The following PCDHGA8 variants were observed in gnomAD, a reference collection of about 807,000 sequenced individuals.
PCDHGA8 encodes the protein protocadherin gamma subfamily A, 8.
Under a neutral mutation model 59.2 loss-of-function variants are expected in PCDHGA8, and 45 were observed. The ratio of observed to expected loss-of-function variants is 0.76; its 90% CI spans 0.60 to 0.98. The LOEUF (loss-of-function observed/expected upper bound fraction) is 0.98. Ranked by LOEUF, PCDHGA8 falls within the 50% of genes least tolerant of loss-of-function variation. The pLI is 0.00. For missense variants in PCDHGA8, 1,257 were observed against 1,196.2 expected (o/e 1.05, Z -0.75); for synonymous variants, 531 against 519.0 (o/e 1.02, Z -0.32).
In PCDHGA8 at chr5:141,485,985, T is replaced by C. The variant is rs748867624; in HGVS notation, c.2425-8822T>C. 5.6e-6 allele frequency: 9 copies of C among 1,614,086 alleles called. No homozygotes were observed. Among genetic ancestry groups the C allele is most frequent in the South Asian group, 5.5e-5 (5 of 91,094 alleles). On this transcript the variant is annotated intron_variant, in intron 1 of 3. Coordinates refer to ENST00000398604, the MANE Select transcript of PCDHGA8 (RefSeq NM_032088.2). The surrounding 1 kb of genome is among the most constrained non-coding windows in gnomAD (Gnocchi z 5.7). ...CAGCTCAATGCCTCAGACCCGGACC[T>C]GGGTCCCAGTGGTAACGTCACCTTT...
At chr5:141,497,553 T>C (rs2099777684) in intron 2 of PCDHGA8, among the ~76,000 whole-genome samples, 1 of 151,326 alleles carries the variant, frequency 6.6e-6, no homozygotes, top group South Asian at 2.1e-4. Context: ...TTTTTTTTTT[T>C]TTTTTAGACA....
intron 2 of PCDHGA8, among the ~76,000 whole-genome samples, chr5:141,499,780 G>A (rs776654854): frequency 1.4e-5 from 2 of 145,766 alleles, no homozygotes; most frequent in Non-Finnish European, 3.0e-5. Flanking sequence ...TTCGCCTCCC[G>A]GGTTCAAGCA....
chr5:141,452,951 G>T (rs1397204185), intron 1 of PCDHGA8, among the ~76,000 whole-genome samples: 13 of 152,154 alleles, frequency 8.5e-5, no homozygotes, highest in Admixed American at 8.5e-4. Context: ...GCAATTGGTT[G>T]TCTTTAAACT....
chr5:141,404,513 G>C, intron 1 of PCDHGA8: 2 of 1,613,786 alleles, frequency 1.2e-6, no homozygotes, highest in Non-Finnish European at 8.5e-7. Context: ...GTGCTCCTTT[G>C]ACTATGAGCA....
intron 1 of PCDHGA8, chr5:141,408,522 A>C: frequency 1.2e-6 from 2 of 1,614,026 alleles, no homozygotes; most frequent in Non-Finnish European, 1.7e-6. Flanking sequence ...TTGCAATTGG[A>C]AGCTGTGGTG....
chr5:141,398,692 AG>A, intron 1 of PCDHGA8: 1 of 1,613,942 alleles, frequency 6.2e-7, no homozygotes, highest in Non-Finnish European at 8.5e-7. Context: ...ACAGGATGGT[AG>A]TAAATACCCG....
chr5:141,398,171 C>T (rs773536231), intron 1 of PCDHGA8: 3 of 1,476,352 alleles, frequency 2.0e-6, no homozygotes, highest in Non-Finnish European at 2.7e-6. Flanking sequence ...GAGAGGCTGC[C>T]AGTGCTCTTT....
chr5:141,392,852 G>A lies in PCDHGA8; in HGVS notation c.39G>A (p.Leu13=). ...AGAGTCGCCCCAGACGCGGCGAGCT[G>A]ATCCTGCTGTGCGCGCTGCTGGGAA... ...APQSRPRRGE[L]ILLCALLGTL... is the part of the protein sequence containing the mutation. Residue 13 remains leucine, a synonymous_variant, in exon 1 of 4, where the codon CTG becomes CTA. Coordinates refer to ENST00000398604, the MANE Select transcript of PCDHGA8 (RefSeq NM_032088.2). 3 of 1,611,984 alleles carry A rather than the reference G, an allele frequency of 1.9e-6. No individual in the cohort carries two copies. The highest frequency in any genetic ancestry group is 2.5e-6 in the Non-Finnish European group (3 of 1,179,238).
At chr5:141,421,261 C>T (rs753531462) in intron 1 of PCDHGA8, 24 of 1,609,076 alleles carry the variant, frequency 1.5e-5, no homozygotes, top group Non-Finnish European at 2.0e-5. Context: ...GGACCGCAGT[C>T]GGCTGCTGCT....
At chr5:141,409,813 C>T in intron 1 of PCDHGA8, 2 of 1,611,170 alleles carry the variant, frequency 1.2e-6, no homozygotes, top group African/African-American at 1.3e-5. Flanking sequence ...CCCGCGACCA[C>T]GGCTCGCCCA....
At chr5:141,423,742 A>C in intron 1 of PCDHGA8, 1 of 514,328 alleles carries the variant, frequency 1.9e-6, no homozygotes, top group Non-Finnish European at 2.4e-6. Context: ...CCTGTTATGA[A>C]AACTGTTTGG....
chr5:141,495,603 C>T (rs2099762369), intron 2 of PCDHGA8, among the ~76,000 whole-genome samples: 1 of 152,238 alleles, frequency 6.6e-6, no homozygotes, highest in Non-Finnish European at 1.5e-5. Flanking sequence ...TAGCTTCCGT[C>T]TTGATTGCTG....
rs761938460 is a variant in PCDHGA8 at position 141,393,330 on chromosome 5, AG to A, written c.518del (p.Ser173ThrfsTer18). On this transcript the variant is annotated frameshift_variant, in exon 1 of 4. Coordinates refer to ENST00000398604, the MANE Select transcript of PCDHGA8 (RefSeq NM_032088.2). LOFTEE classifies it high-confidence loss of function. ...GVNSLQSYQL[S>X]PNHHFSLDVQ... is the part of the protein sequence containing the mutation. The stretch of plus-strand genomic sequence containing the variant: ...GAACTCCCTCCAGAGCTACCAGCTC[AG>A]CCCCAATCACCACTTCTCCCTGGAC... The A allele has an allele frequency of 3.7e-6, 6 of 1,611,072 alleles. No individual in the cohort carries two copies. In the African/African-American group the frequency reaches 6.8e-5, roughly 18 times the overall value.
At chr5:141,414,270 T>G in intron 1 of PCDHGA8, 1 of 1,613,476 alleles carries the variant, frequency 6.2e-7, no homozygotes, top group Non-Finnish European at 8.5e-7. Context: ...AAGATTCACC[T>G]CTGGGAACAG....
chr5:141,428,043 A>G, intron 1 of PCDHGA8: 1 of 1,608,722 alleles, frequency 6.2e-7, no homozygotes, highest in Non-Finnish European at 8.5e-7. Flanking sequence ...CTACCTGGTG[A>G]CCAAGGTGGT....
rs2092917292 is a variant in PCDHGA8, at chr5:141,394,087, C to G, written c.1274C>G (p.Ser425Ter). ...ATCTACAATATCACAGTGATGGCCT[C>G]AGATCTAGGAACACCACCTCTGTCC... Reference protein sequence around the residue: ...VSIYNITVMASDLGTPPLSTE... With the variant: ...VSIYNITVMA The change falls in exon 1 of 4, where the codon TCA becomes TGA. Residue 425 changes from serine (S) to a stop codon, truncating the protein, a stop_gained. Coordinates refer to ENST00000398604, the MANE Select transcript of PCDHGA8 (RefSeq NM_032088.2). LOFTEE classifies it high-confidence loss of function. 1 of 1,613,770 alleles carries G rather than the reference C, an allele frequency of 6.2e-7. No individual in the cohort carries two copies. The highest frequency in any genetic ancestry group is 1.7e-5 in the Admixed American group (1 of 59,984).
At chr5:141,427,694 A>G in intron 1 of PCDHGA8, 2 of 913,934 alleles carry the variant, frequency 2.2e-6, no homozygotes, top group South Asian at 1.4e-5. Flanking sequence ...CCTCCATCCC[A>G]CAAGTCAGCG....
At chr5:141,438,334 A>G (rs756299924) in intron 1 of PCDHGA8, among the ~76,000 whole-genome samples, 6 of 151,946 alleles carry the variant, frequency 3.9e-5, no homozygotes, top group Non-Finnish European at 7.4e-5. Context: ...TATACATGTC[A>G]TATAAGGATC....
At chr5:141,475,950 C>T (rs1236145505) in intron 1 of PCDHGA8, 3 of 761,526 alleles carry the variant, frequency 3.9e-6, no homozygotes, top group East Asian at 2.7e-5. Context: ...CCCCTTTCTG[C>T]GCCCCGGGAT....
Sources: gnomAD v4.1 joint callset for allele counts (sites outside exome capture counted in the v4.1 genomes callset) on GRCh38, gnomAD v4.1.1 for gene constraint, Gnocchi (gnomAD v3.1) non-coding constraint, MANE v1.5 for transcripts, NCBI Gene and HGNC (gene_info 2026-07-23, HGNC 2026-07-21) for gene names.